LRRC4C: variants seen among roughly 807,000 people sequenced by gnomAD.
LRRC4C encodes leucine-rich repeat-containing protein 4C.
In LRRC4C, 5 loss-of-function variants were observed where a neutral mutation model predicts 33.6. That is an observed-to-expected ratio of 0.15 (90% CI 0.08 to 0.31). The LOEUF (loss-of-function observed/expected upper bound fraction) is 0.31, where lower values mean the gene tolerates loss of function less well. Ranked by LOEUF, LRRC4C falls within the 10% of genes least tolerant of loss-of-function variation. The pLI, the probability that LRRC4C is intolerant of heterozygous loss-of-function variation, is 1.00. For missense variants in LRRC4C, 560 were observed against 796.7 expected (o/e 0.70, Z 3.58); for synonymous variants, 329 against 302.0 (o/e 1.09, Z -0.93).
chr11:41,230,448 C>T (rs565260778), intron 1 of LRRC4C, among the ~76,000 whole-genome samples: 1 of 152,198 alleles, frequency 6.6e-6, no homozygotes, highest in African/African-American at 2.4e-5. Flanking sequence ...TTCTCAGCCT[C>T]CTTTACCTTA....
intron 2 of LRRC4C, among the ~76,000 whole-genome samples, chr11:40,738,461 A>G (rs1293954623): frequency 6.6e-6 from 1 of 152,158 alleles, no homozygotes; most frequent in Non-Finnish European, 1.5e-5. Context: ...GAGGACTCTG[A>G]CTAATACAGA....
intron 3 of LRRC4C, among the ~76,000 whole-genome samples, chr11:40,458,655 C>T (rs551555045): frequency 6.6e-6 from 1 of 152,198 alleles, no homozygotes; most frequent in Non-Finnish European, 1.5e-5. Context: ...TATAAAATAG[C>T]TTTTCTCACC....
chr11:40,903,310 A>G (rs1316692725), intron 2 of LRRC4C, among the ~76,000 whole-genome samples: 1 of 152,202 alleles, frequency 6.6e-6, no homozygotes, highest in Non-Finnish European at 1.5e-5. Context: ...CTAAGGAAAA[A>G]AATAATTTAT....
At chr11:41,431,954 T>C (rs375265893) in intron 1 of LRRC4C, among the ~76,000 whole-genome samples, 19 of 152,182 alleles carry the variant, frequency 1.2e-4, no homozygotes, top group African/African-American at 4.3e-4. Context: ...TCTAGGAGTA[T>C]GTCATCTAAA....
chr11:40,901,826 G>A (rs1053796207), intron 2 of LRRC4C, among the ~76,000 whole-genome samples: 2 of 151,940 alleles, frequency 1.3e-5, no homozygotes, highest in Non-Finnish European at 2.9e-5. Flanking sequence ...GGGAGACAGA[G>A]GGAGTGAACT....
chr11:40,857,383 G>C (rs1953843302), intron 2 of LRRC4C, among the ~76,000 whole-genome samples: 1 of 151,996 alleles, frequency 6.6e-6, no homozygotes, highest in South Asian at 2.1e-4. Context: ...AGTGCGTGTT[G>C]TTCCCCTCCC....
At chr11:41,447,635 C>T (rs777460109) in intron 1 of LRRC4C, among the ~76,000 whole-genome samples, 5 of 152,090 alleles carry the variant, frequency 3.3e-5, no homozygotes, top group African/African-American at 7.2e-5. Flanking sequence ...ATTCCAAGGT[C>T]GTAATACCCA....
intron 4 of LRRC4C, among the ~76,000 whole-genome samples, chr11:40,242,117 C>G (rs1865965817): frequency 6.6e-6 from 1 of 152,166 alleles, no homozygotes; most frequent in East Asian, 1.9e-4. Context: ...ACTCCAGTCT[C>G]CAGCGAGCTG....
intron 2 of LRRC4C, among the ~76,000 whole-genome samples, chr11:40,888,447 T>C (rs1955559230): frequency 6.6e-6 from 1 of 151,934 alleles, no homozygotes; most frequent in Non-Finnish European, 1.5e-5. Flanking sequence ...CCCATGAAAA[T>C]ATATTTTTCC....
chr11:40,831,697 G>T (rs1299769768), intron 2 of LRRC4C, among the ~76,000 whole-genome samples: 2 of 152,130 alleles, frequency 1.3e-5, no homozygotes, highest in African/African-American at 2.4e-5. Context: ...AATCATGGCA[G>T]AAGGCAAAGG....
chr11:41,053,167 G>A (rs1323771453), intron 1 of LRRC4C, among the ~76,000 whole-genome samples: 1 of 152,064 alleles, frequency 6.6e-6, no homozygotes, highest in Admixed American at 6.6e-5. Context: ...CTTCCCTTTG[G>A]CAGGGCACAG....
chr11:40,903,319 A>G (rs1956287394), intron 2 of LRRC4C, among the ~76,000 whole-genome samples: 2 of 152,180 alleles, frequency 1.3e-5, no homozygotes, highest in Non-Finnish European at 2.9e-5. Context: ...AAAATAATTT[A>G]TTTAAAAACG....
chr11:41,361,677 A>T (rs1463021233), intron 1 of LRRC4C, among the ~76,000 whole-genome samples: 2 of 152,246 alleles, frequency 1.3e-5, no homozygotes, highest in Non-Finnish European at 2.9e-5. Flanking sequence ...ATAGGATTTA[A>T]ATTATATCTC....
intron 3 of LRRC4C, among the ~76,000 whole-genome samples, chr11:40,536,100 C>T (rs1461634893): frequency 6.6e-6 from 1 of 152,190 alleles, no homozygotes; most frequent in Non-Finnish European, 1.5e-5. Context: ...TTTCCCACAG[C>T]ATCATCTGGA....
intron 2 of LRRC4C, among the ~76,000 whole-genome samples, chr11:40,792,306 C>T (rs546273381): frequency 3.3e-5 from 5 of 151,494 alleles, no homozygotes; most frequent in Admixed American, 1.3e-4. Context: ...GTTTATTTCT[C>T]GGTAGTGCTA....
intron 1 of LRRC4C, among the ~76,000 whole-genome samples, chr11:41,362,354 G>C (rs1952384880): frequency 1.3e-5 from 2 of 151,904 alleles, no homozygotes; most frequent in African/African-American, 2.4e-5. Flanking sequence ...AAAAGGAAAA[G>C]GAAATAAGGA....
intron 1 of LRRC4C, among the ~76,000 whole-genome samples, chr11:41,411,140 C>CTTTTTTTTTTTTTTTT (rs1249968357): frequency 2.2e-4 from 11 of 49,906 alleles, no homozygotes; most frequent in African/African-American, 9.5e-4. Context: ...GGTTGGTACC[C>CTTTTTTTTTTTTTTTT]TATTTTTTTT....
chr11:40,560,824 C>T (rs1957519028), intron 3 of LRRC4C, among the ~76,000 whole-genome samples: 1 of 152,126 alleles, frequency 6.6e-6, no homozygotes, highest in Non-Finnish European at 1.5e-5. Context: ...AGATAATCTG[C>T]ATTTATACAC....
At chr11:40,823,307 A>G (rs777164030) in intron 2 of LRRC4C, among the ~76,000 whole-genome samples, 36 of 151,756 alleles carry the variant, frequency 2.4e-4, no homozygotes, top group Non-Finnish European at 4.7e-4. Context: ...CAAAAGCCCA[A>G]TCAATGAGAG....
Sources: allele counts gnomAD v4.1 joint callset (sites outside exome capture counted in the v4.1 genomes callset), GRCh38; gene constraint gnomAD v4.1.1; transcripts MANE v1.5; gene names NCBI Gene and HGNC (gene_info 2026-07-23, HGNC 2026-07-21).